Variants in SDK1 observed in about 807,000 individuals in gnomAD.
SDK1 encodes the protein protein sidekick-1.
A neutral mutation model predicts 245.5 loss-of-function variants in SDK1; 157 were observed. The ratio of observed to expected loss-of-function variants is 0.64; its 90% CI spans 0.56 to 0.73. The LOEUF is 0.73. Among genes scored for constraint, SDK1 ranks in the 30% least tolerant of loss-of-function variants. The pLI, the probability that SDK1 is intolerant of heterozygous loss-of-function variation, is 0.00. For missense variants in SDK1, 3,583 were observed against 3,002.3 expected (o/e 1.19, Z -4.52); for synonymous variants, 1,647 against 1,278.5 (o/e 1.29, Z -6.15).
intron 31 of SDK1, among the ~76,000 whole-genome samples, chr7:4,159,300 C>T (rs905817324): frequency 6.6e-6 from 1 of 152,232 alleles, no homozygotes; most frequent in Non-Finnish European, 1.5e-5. Context: ...TCTGCTCTCT[C>T]GATGACCTGG....
intron 22 of SDK1, among the ~76,000 whole-genome samples, chr7:4,107,724 C>A (rs1455410782): frequency 6.6e-6 from 1 of 152,166 alleles, no homozygotes; most frequent in Admixed American, 6.5e-5. Context: ...TGGTCCCAGC[C>A]CGCCTACGAC....
chr7:4,214,791 A>G (rs1383422457), intron 38 of SDK1, among the ~76,000 whole-genome samples: 2 of 152,012 alleles, frequency 1.3e-5, no homozygotes, highest in African/African-American at 2.4e-5. Context: ...GGCCTTATAG[A>G]GCTTCCTCTA....
chr7:3,348,972 C>T (rs1423125260), intron 1 of SDK1, among the ~76,000 whole-genome samples: 1 of 152,080 alleles, frequency 6.6e-6, no homozygotes, highest in African/African-American at 2.4e-5. Context: ...AGACTCTGTC[C>T]CTGGAGTGTG....
At chr7:3,471,411 T>C (rs17133392) in intron 1 of SDK1, among the ~76,000 whole-genome samples, 25,804 of 152,144 alleles carry the variant, frequency 0.17, 2,407 homozygotes, top group African/African-American at 0.24. Flanking sequence ...AAAATCATTA[T>C]CATCTCCTGA....
intron 25 of SDK1, among the ~76,000 whole-genome samples, chr7:4,122,534 G>A (rs1784135383): frequency 6.6e-6 from 1 of 152,172 alleles, no homozygotes; most frequent in Admixed American, 6.5e-5. Context: ...AGAATGCTCG[G>A]AGCCACATTT....
chr7:3,668,549 G>A (rs1001786268), intron 4 of SDK1, among the ~76,000 whole-genome samples: 1 of 152,194 alleles, frequency 6.6e-6, no homozygotes, highest in African/African-American at 2.4e-5. Context: ...GCCGAGGCAG[G>A]CAGATCACAT....
At chr7:3,676,151 G>C (rs1051131708) in intron 4 of SDK1, among the ~76,000 whole-genome samples, 8 of 151,764 alleles carry the variant, frequency 5.3e-5, no homozygotes, top group Non-Finnish European at 8.8e-5. Context: ...TTTTTTTGTG[G>C]AGACGGGGTC....
chr7:3,397,690 A>G (rs1009676344), intron 1 of SDK1, among the ~76,000 whole-genome samples: 1 of 151,950 alleles, frequency 6.6e-6, no homozygotes. Flanking sequence ...AACTTCTTGG[A>G]TATGTAATTT....
intron 4 of SDK1, among the ~76,000 whole-genome samples, chr7:3,810,521 G>T (rs1199502128): frequency 6.6e-6 from 1 of 152,068 alleles, no homozygotes; most frequent in Non-Finnish European, 1.5e-5. Flanking sequence ...ATAACAAAAG[G>T]CCCCTGGATA....
chr7:3,943,482 C>T (rs1780453114), intron 5 of SDK1, among the ~76,000 whole-genome samples: 1 of 149,374 alleles, frequency 6.7e-6, no homozygotes, highest in African/African-American at 2.5e-5. Flanking sequence ...CAGCTGCCTA[C>T]AGGGCTGCTT....
At chr7:3,431,296 G>C (rs1365223673) in intron 1 of SDK1, among the ~76,000 whole-genome samples, 2 of 150,208 alleles carry the variant, frequency 1.3e-5, no homozygotes, top group Non-Finnish European at 1.5e-5. Flanking sequence ...ATCATAAAGT[G>C]CCACCAAAGA....
intron 14 of SDK1, among the ~76,000 whole-genome samples, chr7:4,007,492 G>A (rs1785577202): frequency 6.6e-6 from 1 of 152,116 alleles, no homozygotes; most frequent in African/African-American, 2.4e-5. Flanking sequence ...TCTAGGGAGA[G>A]CAAGCTGTCC....
At chr7:3,736,900 T>C (rs898246353) in intron 4 of SDK1, among the ~76,000 whole-genome samples, 1 of 152,212 alleles carries the variant, frequency 6.6e-6, no homozygotes, top group African/African-American at 2.4e-5. Context: ...TTTTGCATCT[T>C]ATAACTGAAA....
intron 44 of SDK1, among the ~76,000 whole-genome samples, chr7:4,250,472 T>C (rs575674344): frequency 1.6e-3 from 251 of 152,276 alleles, no homozygotes; most frequent in African/African-American, 5.8e-3. Context: ...GCTTCCCAAG[T>C]AGCTGGGATT....
chr7:3,918,397 A>T (rs974640034), intron 5 of SDK1, among the ~76,000 whole-genome samples: 4 of 152,194 alleles, frequency 2.6e-5, no homozygotes, highest in African/African-American at 9.7e-5. Context: ...TTCTCGTAAT[A>T]GCACGAACCC....
intron 5 of SDK1, among the ~76,000 whole-genome samples, chr7:3,913,695 C>T (rs1001828311): frequency 1.3e-5 from 2 of 152,132 alleles, no homozygotes; most frequent in African/African-American, 4.8e-5. Context: ...CTCCTAAACC[C>T]CCTTGAGTAT....
chr7:4,028,415 A>G (rs1477241254), intron 17 of SDK1, among the ~76,000 whole-genome samples: 1 of 152,236 alleles, frequency 6.6e-6, no homozygotes, highest in East Asian at 1.9e-4. Flanking sequence ...GACATGTGAC[A>G]TCACCACGTG....
rs577230496 is a variant in SDK1 at position 3,682,824 on chromosome 7, C to T, written c.713+40719C>T. Among the ~76,000 whole-genome samples, 5 of 152,154 alleles carry T rather than the reference C, an allele frequency of 3.3e-5. No individual in the cohort carries two copies. The South Asian group carries it at 1.0e-3, about 32-fold the overall frequency. On this transcript the variant is annotated intron_variant, in intron 4 of 44. Transcript: ENST00000404826. ...CGCAATCTCAGCTCACTGCAACCCC[C>T]ACTTCCCAGGTTCAAGTGATTCTCC...
At chr7:3,790,872 A>AC (rs1781060578) in intron 4 of SDK1, among the ~76,000 whole-genome samples, 1 of 152,098 alleles carries the variant, frequency 6.6e-6, no homozygotes, top group African/African-American at 2.4e-5. Context: ...GGAGGTTGGG[A>AC]CAGGGGAATA....
Sources: allele counts gnomAD v4.1 joint callset (sites outside exome capture counted in the v4.1 genomes callset), GRCh38; gene constraint gnomAD v4.1.1; transcripts MANE v1.5; gene names NCBI Gene and HGNC (gene_info 2026-07-23, HGNC 2026-07-21).